Variants in CHN2 observed in about 807,000 individuals in gnomAD.
The protein encoded by CHN2 is chimerin 2, also known as beta-chimaerin.
In CHN2, 35 loss-of-function variants were observed where a neutral mutation model predicts 56.3. That is an observed-to-expected ratio of 0.62 (90% CI 0.47 to 0.82). The LOEUF (loss-of-function observed/expected upper bound fraction) is 0.82. Ranked by LOEUF, CHN2 falls within the 40% of genes least tolerant of loss-of-function variation. CHN2 has a pLI of 0.00. For synonymous variants in CHN2, 210 were observed against 212.8 expected, an observed-to-expected ratio of 0.99 and a Z score of 0.12; for missense variants, 491 against 580.5, an observed-to-expected ratio of 0.85 and a Z score of 1.58.
intron 2 of CHN2, among the ~76,000 whole-genome samples, chr7:29,174,855 C>G (rs1309964531): frequency 6.9e-6 from 1 of 145,936 alleles, no homozygotes; most frequent in Admixed American, 6.8e-5. Flanking sequence ...GAGCAAAACT[C>G]CATCTAAAAA....
intron 2 of CHN2, among the ~76,000 whole-genome samples, chr7:29,173,248 C>A: frequency 6.6e-6 from 1 of 151,914 alleles, no homozygotes; most frequent in Non-Finnish European, 1.5e-5. Flanking sequence ...TAAGCAGGAA[C>A]CCAGAGGAAA....
chr7:29,292,970 C>G (rs144242150), intron 1 of CHN2: 2 of 456,280 alleles, frequency 4.4e-6, no homozygotes, highest in Non-Finnish European at 8.8e-6. Context: ...AAATGTAAGT[C>G]AGATGATGTC....
intron 6 of CHN2, among the ~76,000 whole-genome samples, chr7:29,458,934 C>G (rs1386627056): frequency 1.3e-5 from 2 of 152,220 alleles, no homozygotes; most frequent in Non-Finnish European, 2.9e-5. Flanking sequence ...CGGACAGATG[C>G]AATGCCCAGA....
chr7:29,152,740 G>A (rs1054273947), intron 2 of CHN2, among the ~76,000 whole-genome samples: 2 of 152,168 alleles, frequency 1.3e-5, no homozygotes, highest in African/African-American at 2.4e-5. Context: ...AAGAGTTAAC[G>A]CCATTTTGTC....
chr7:29,507,203 A>G, intron 10 of CHN2, 25 bp from the exon 11 acceptor site: 1 of 1,587,110 alleles, frequency 6.3e-7, no homozygotes, highest in Non-Finnish European at 8.5e-7. Context: ...CCTAATTAGG[A>G]CTTGGATCAC....
chr7:29,483,965 T>C (rs1319113664), intron 7 of CHN2: 2 of 962,540 alleles, frequency 2.1e-6, no homozygotes, highest in South Asian at 2.7e-5. Flanking sequence ...TATCGTGGTC[T>C]CTGGCACCCA....
chr7:29,470,560 T>A (rs926683243), intron 6 of CHN2, among the ~76,000 whole-genome samples: 1 of 152,164 alleles, frequency 6.6e-6, no homozygotes, highest in Admixed American at 6.5e-5. Context: ...TTAATTTGAT[T>A]TTTTTTTCTG....
intron 2 of CHN2, chr7:29,147,355 T>A (rs1354019968): frequency 5.8e-6 from 1 of 171,118 alleles, no homozygotes; most frequent in African/African-American, 2.4e-5. Flanking sequence ...CACAGCTAGC[T>A]GCAGGAGTGA....
In CHN2 at chr7:29,409,272, A is replaced by G. The variant is rs144036477; in HGVS notation, c.576+8444A>G. Among the ~76,000 whole-genome samples the G allele has an allele frequency of 6.0e-3, 913 of 152,308 alleles. 10 individuals are homozygous for G. The highest frequency in any genetic ancestry group is 0.021 in the African/African-American group (860 of 41,570). ...ACTCTTTAAAGTTACTGAGGACCCC[A>G]AAGAGCTTCTGTTAATGTGGGTTAA... On this transcript the variant is annotated intron_variant, in intron 6 of 12. Coordinates refer to ENST00000222792, the MANE Select transcript of CHN2 (RefSeq NM_004067.4).
chr7:29,490,084 G>A (rs1466548139), intron 7 of CHN2, among the ~76,000 whole-genome samples: 1 of 149,272 alleles, frequency 6.7e-6, no homozygotes, highest in Non-Finnish European at 1.5e-5. Context: ...CACTCAAGAT[G>A]TTTCAGAGAC....
chr7:29,278,715 G>A (rs148412071), intron 1 of CHN2, among the ~76,000 whole-genome samples: 40 of 152,256 alleles, frequency 2.6e-4, no homozygotes, highest in Non-Finnish European at 5.0e-4. Flanking sequence ...CTATTTTGCC[G>A]AGGGACCCCA....
At chr7:29,409,516 G>A (rs1802994715) in intron 6 of CHN2, among the ~76,000 whole-genome samples, 1 of 152,098 alleles carries the variant, frequency 6.6e-6, no homozygotes, top group Non-Finnish European at 1.5e-5. Flanking sequence ...AAGACAGCTG[G>A]CTTCTCACAT....
At chr7:29,447,908 T>A (rs1784141197) in intron 6 of CHN2, among the ~76,000 whole-genome samples, 1 of 152,166 alleles carries the variant, frequency 6.6e-6, no homozygotes, top group Admixed American at 6.5e-5. Flanking sequence ...TGGGAGAACT[T>A]TGCAAAAAAA....
chr7:29,366,444 C>G (rs545271359), intron 2 of CHN2, among the ~76,000 whole-genome samples: 89 of 152,210 alleles, frequency 5.8e-4, no homozygotes, highest in Non-Finnish European at 1.9e-4. Flanking sequence ...GCCATGGAAG[C>G]CAATGGAAAG....
intron 2 of CHN2, among the ~76,000 whole-genome samples, chr7:29,358,154 G>GT (rs1194598415): frequency 7.4e-6 from 1 of 136,028 alleles, no homozygotes; most frequent in African/African-American, 2.8e-5. Flanking sequence ...TTTCATTGAC[G>GT]TTTTTTTGGC....
At chr7:29,250,988 G>T (rs928841410) in intron 1 of CHN2, among the ~76,000 whole-genome samples, 10 of 152,088 alleles carry the variant, frequency 6.6e-5, no homozygotes, top group African/African-American at 2.4e-4. Flanking sequence ...GGGATTACAG[G>T]CATGAGCCAC....
At chr7:29,206,619 C>G (rs942221109) in intron 1 of CHN2, among the ~76,000 whole-genome samples, 6 of 152,076 alleles carry the variant, frequency 3.9e-5, no homozygotes, top group South Asian at 2.1e-4. Flanking sequence ...GTACTTGCAA[C>G]AGGAGACTCT....
exon 1 of CHN2, chr7:29,146,672 A>T: frequency 6.4e-7 from 1 of 1,550,650 alleles, no homozygotes; most frequent in Non-Finnish European, 8.7e-7. Context: ...AGCGCTTCCC[A>T]TGCTGGAAGA....
Position 29,317,877 on chromosome 7 carries a change from C to T in CHN2, c.50-36748C>T, listed in dbSNP as rs373017143. ...GGTGGTGTGTTTGTACATGTTACGC[C>T]GGAGGCTGAGGAGGGAGGATGGCTT... On this transcript the variant is annotated intron_variant, in intron 1 of 12. Transcript: ENST00000222792. 3.3e-4 allele frequency among the ~76,000 whole-genome samples: 50 copies of T among 152,152 alleles called. 1 individual carries two copies. The South Asian group carries it at 8.7e-3, about 27-fold the overall frequency.
Sources: gnomAD v4.1 joint callset for allele counts (sites outside exome capture counted in the v4.1 genomes callset) on GRCh38, gnomAD v4.1.1 for gene constraint, MANE v1.5 for transcripts, NCBI Gene and HGNC (gene_info 2026-07-23, HGNC 2026-07-21) for gene names.